The following ZC3H12B variants were observed in gnomAD, a reference collection of about 807,000 sequenced individuals.
ZC3H12B encodes zinc finger CCCH-type containing 12B.
ZC3H12B carries 7 observed loss-of-function variants against 43.9 expected under a neutral mutation model. That is an observed-to-expected ratio of 0.16 (90% CI 0.09 to 0.30). ZC3H12B has a LOEUF of 0.30. ZC3H12B is among the 10% of genes least tolerant of loss of function. The pLI, the probability that ZC3H12B is intolerant of heterozygous loss-of-function variation, is 1.00. For missense variants in ZC3H12B, 475 were observed against 670.2 expected (o/e 0.71, Z 3.22); for synonymous variants, 222 against 241.7 (o/e 0.92, Z 0.76).
At chrX:65,098,729 G>A in the ZC3H12B span, among the ~76,000 whole-genome samples, 15 of 110,877 alleles carry the variant, frequency 1.4e-4, no homozygotes, top group African/African-American at 4.9e-4. Flanking sequence ...CACAGTTTTT[G>A]CAATCCGCAG....
chrX:65,371,751 G>A (rs1024339511), intron 2 of ZC3H12B, among the ~76,000 whole-genome samples: 3 of 111,661 alleles, frequency 2.7e-5, no homozygotes, highest in Admixed American at 9.6e-5. Flanking sequence ...GAAGAAAGTG[G>A]TTATTTAAAT....
At chrX:65,450,427 A>G (rs1460706755) in intron 3 of ZC3H12B, among the ~76,000 whole-genome samples, 1 of 72,049 alleles carries the variant, frequency 1.4e-5, no homozygotes, top group Non-Finnish European at 2.4e-5. Context: ...ATACATATAT[A>G]TATTTATATG....
chrX:65,090,091 T>C, the ZC3H12B span, among the ~76,000 whole-genome samples: 2 of 112,534 alleles, frequency 1.8e-5, no homozygotes, highest in Non-Finnish European at 3.8e-5. Flanking sequence ...TTTATTATTA[T>C]CAAGTATTAT....
the ZC3H12B span, among the ~76,000 whole-genome samples, chrX:65,302,064 C>T: frequency 2.6e-4 from 29 of 110,803 alleles, no homozygotes; most frequent in Non-Finnish European, 4.9e-4. Context: ...CTATACCTAA[C>T]AATATACTTA....
At chrX:65,043,382 C>T in the ZC3H12B span, among the ~76,000 whole-genome samples, 1 of 110,723 alleles carries the variant, frequency 9.0e-6, no homozygotes, top group Admixed American at 9.6e-5. Context: ...ATATTATCTA[C>T]CCTCCTCATT....
At chrX:65,177,898 T>A in the ZC3H12B span, among the ~76,000 whole-genome samples, 1 of 111,804 alleles carries the variant, frequency 8.9e-6, no homozygotes, top group Non-Finnish European at 1.9e-5. Flanking sequence ...AACCATTGAC[T>A]TTCTTCACAG....
At chrX:65,130,363 CTG>C in the ZC3H12B span, among the ~76,000 whole-genome samples, 4 of 111,205 alleles carry the variant, frequency 3.6e-5, no homozygotes, top group Admixed American at 1.9e-4. Flanking sequence ...GAAGAAATGA[CTG>C]TGGTGACCTT....
At chrX:65,173,450 A>C in the ZC3H12B span, among the ~76,000 whole-genome samples, 1 of 111,597 alleles carries the variant, frequency 9.0e-6, no homozygotes, top group Admixed American at 9.6e-5. Flanking sequence ...CAGAACTTTC[A>C]ATACTATGTT....
chrX:65,142,036 G>T, the ZC3H12B span, among the ~76,000 whole-genome samples: 6 of 111,942 alleles, frequency 5.4e-5, no homozygotes, highest in African/African-American at 1.9e-4. Context: ...CCCAGTAGTG[G>T]GATTGCTGAA....
chrX:65,404,326 A>C (rs1287860888), intron 3 of ZC3H12B, among the ~76,000 whole-genome samples: 3 of 105,058 alleles, frequency 2.9e-5, no homozygotes, highest in Non-Finnish European at 5.6e-5. Flanking sequence ...ATAACGCCAA[A>C]AAACAAATAA....
chrX:65,135,382 A>AT, the ZC3H12B span, among the ~76,000 whole-genome samples: 4 of 109,093 alleles, frequency 3.7e-5, no homozygotes, highest in East Asian at 8.6e-4. Flanking sequence ...TCCAAATTTT[A>AT]TTTTTTTAAA....
At chrX:65,195,205 T>C in the ZC3H12B span, among the ~76,000 whole-genome samples, 3 of 111,349 alleles carry the variant, frequency 2.7e-5, no homozygotes, top group Non-Finnish European at 3.8e-5. Context: ...TATTTTGTTA[T>C]TTGTTTTCTG....
chrX:65,291,160 A>G, the ZC3H12B span, among the ~76,000 whole-genome samples: 1 of 111,584 alleles, frequency 9.0e-6, no homozygotes, highest in African/African-American at 3.2e-5. Flanking sequence ...TGTTGGCTAG[A>G]ATGTGGAGAA....
the ZC3H12B span, among the ~76,000 whole-genome samples, chrX:65,207,388 A>C: frequency 9.0e-6 from 1 of 110,554 alleles, no homozygotes; most frequent in Admixed American, 9.7e-5. Flanking sequence ...CTGAAATGGA[A>C]AACCAAACAT....
the ZC3H12B span, among the ~76,000 whole-genome samples, chrX:65,159,006 C>A: frequency 7.2e-5 from 8 of 111,652 alleles, no homozygotes; most frequent in Non-Finnish European, 1.3e-4. Context: ...GCCAGTTTTC[C>A]CAGCACCATT....
Position 65,469,606 on chromosome X carries a change from G to A in ZC3H12B, n.408-19040G>A, listed in dbSNP as rs2067878678. 1.3e-5 allele frequency: 3 copies of A among 227,628 alleles called. No homozygotes were observed. The South Asian group carries it at 2.9e-4, about 22-fold the overall frequency. The allele number at this position is 227,628 out of a possible 1,213,427, so 18.8% of individuals were successfully genotyped here. On this transcript the variant is annotated intron_variant and non_coding_transcript_variant, in intron 3 of 5. Transcript: ENST00000617377. ...CAGATACTACTGCCTCAGCACCCAG[G>A]TCTAGCCACTGACCTGGATTGACTC...
the ZC3H12B span, among the ~76,000 whole-genome samples, chrX:65,219,745 A>T: frequency 9.1e-6 from 1 of 109,956 alleles, no homozygotes; most frequent in African/African-American, 3.3e-5. Flanking sequence ...ATAATAAAGG[A>T]AAACTTCTGC....
the ZC3H12B span, among the ~76,000 whole-genome samples, chrX:65,191,509 C>T: frequency 2.0e-5 from 2 of 101,674 alleles, no homozygotes; most frequent in African/African-American, 8.7e-5. Flanking sequence ...GATTCAACTT[C>T]TTCCTGGTTT....
At chrX:65,419,959 A>C (rs1397335107) in intron 3 of ZC3H12B, among the ~76,000 whole-genome samples, 1 of 110,564 alleles carries the variant, frequency 9.0e-6, no homozygotes, top group Non-Finnish European at 1.9e-5. Flanking sequence ...CCTGCATACT[A>C]TGGTACCAGG....
Sources: gnomAD v4.1 joint callset for allele counts (sites outside exome capture counted in the v4.1 genomes callset) on GRCh38, gnomAD v4.1.1 for gene constraint, MANE v1.5 for transcripts, NCBI Gene and HGNC (gene_info 2026-07-23, HGNC 2026-07-21) for gene names.